LSAMP: variants seen among roughly 807,000 people sequenced by gnomAD.
LSAMP encodes limbic system associated membrane protein.
A neutral mutation model predicts 38.6 loss-of-function variants in LSAMP; 7 were observed. That is an observed-to-expected ratio of 0.18 (90% confidence interval 0.10 to 0.34). The LOEUF is 0.34. Ranked by LOEUF, LSAMP falls within the 10% of genes least tolerant of loss-of-function variation. The pLI is 1.00. For missense variants in LSAMP, 313 were observed against 420.0 expected (o/e 0.75, Z 2.23); for synonymous variants, 154 against 166.8 (o/e 0.92, Z 0.59).
chr3:116,071,012 C>T (rs1707588305), intron 2 of LSAMP, among the ~76,000 whole-genome samples: 1 of 151,122 alleles, frequency 6.6e-6, no homozygotes, highest in Non-Finnish European at 1.5e-5. Flanking sequence ...TGCACTCCAG[C>T]CTGGGCAACA....
chr3:116,311,399 CT>C (rs2047555664), intron 1 of LSAMP, among the ~76,000 whole-genome samples: 1 of 151,916 alleles, frequency 6.6e-6, no homozygotes, highest in African/African-American at 2.4e-5. Flanking sequence ...TGGTTGCAGT[CT>C]AGGAATCCAT....
At chr3:116,250,971 C>G (rs895093648) in intron 1 of LSAMP, among the ~76,000 whole-genome samples, 1 of 152,160 alleles carries the variant, frequency 6.6e-6, no homozygotes, top group Non-Finnish European at 1.5e-5. Context: ...AGAGGCAGGA[C>G]AAACTGTTTC....
chr3:115,968,428 G>T (rs549898618), intron 3 of LSAMP, among the ~76,000 whole-genome samples: 110 of 152,204 alleles, frequency 7.2e-4, no homozygotes, highest in African/African-American at 2.4e-3. Context: ...TGCTAGGACT[G>T]GGTCCTTTCC....
At chr3:115,827,800 T>A (rs139769238) in intron 6 of LSAMP, among the ~76,000 whole-genome samples, 2 of 152,232 alleles carry the variant, frequency 1.3e-5, no homozygotes, top group Non-Finnish European at 2.9e-5. Context: ...AGGAACACCT[T>A]AAATTGGAAT....
intron 2 of LSAMP, among the ~76,000 whole-genome samples, chr3:116,070,405 G>A (rs139327844): frequency 3.5e-4 from 54 of 152,250 alleles, no homozygotes; most frequent in African/African-American, 1.2e-3. Flanking sequence ...AGAGTTGCTC[G>A]TGGTTAGAGA....
chr3:116,204,761 C>A (rs553239369), intron 1 of LSAMP, among the ~76,000 whole-genome samples: 1,705 of 150,954 alleles, frequency 0.011, 34 homozygotes, highest in African/African-American at 0.038. Context: ...ATTGATCTAT[C>A]TCTCTGTTTT....
chr3:116,350,838 A>G (rs966923945), intron 1 of LSAMP, among the ~76,000 whole-genome samples: 7 of 152,056 alleles, frequency 4.6e-5, no homozygotes, highest in African/African-American at 1.7e-4. Flanking sequence ...AGGATAAAAG[A>G]AATCCGTGCT....
intron 1 of LSAMP, among the ~76,000 whole-genome samples, chr3:116,286,274 T>C (rs952509038): frequency 3.9e-5 from 6 of 152,210 alleles, no homozygotes; most frequent in South Asian, 2.1e-4. Context: ...TGTGTAAATA[T>C]GTGCAAATGT....
At chr3:116,193,042 G>A (rs944324539) in intron 1 of LSAMP, among the ~76,000 whole-genome samples, 13 of 152,180 alleles carry the variant, frequency 8.5e-5, no homozygotes, top group African/African-American at 2.9e-4. Flanking sequence ...AATTACAAAT[G>A]AGGATGAGGG....
At chr3:116,139,682 C>T (rs766255464) in intron 1 of LSAMP, among the ~76,000 whole-genome samples, 2 of 151,892 alleles carry the variant, frequency 1.3e-5, no homozygotes, top group Non-Finnish European at 2.9e-5. Context: ...AAAGGCATAT[C>T]CAGATCAATA....
intron 1 of LSAMP, among the ~76,000 whole-genome samples, chr3:116,155,957 G>A (rs2107532208): frequency 6.6e-6 from 1 of 152,234 alleles, no homozygotes; most frequent in South Asian, 2.1e-4. Context: ...AGCAAGCAGT[G>A]AGCCAAGTTC....
Position 115,922,263 on chromosome 3 carries a change from G to T in LSAMP, c.515-69646C>A, listed in dbSNP as rs58599214. On this transcript the variant is annotated intron_variant, in intron 3 of 6. Transcript: ENST00000490035. ...GCCTTAGGTTTTCTTTACTTTTTTA[G>T]TTCCTTGTTTTCTTTTTGTTCTTCT... Among the ~76,000 whole-genome samples, 458 of 151,814 alleles carry T rather than the reference G, an allele frequency of 3.0e-3. 2 individuals are homozygous for T. Among genetic ancestry groups the T allele is most frequent in the African/African-American group, 9.9e-3 (411 of 41,428 alleles).
At chr3:116,265,712 T>G (rs2107663650) in intron 1 of LSAMP, among the ~76,000 whole-genome samples, 1 of 152,290 alleles carries the variant, frequency 6.6e-6, no homozygotes, top group Non-Finnish European at 1.5e-5. Context: ...CTAATTGTGG[T>G]TAATCTTTGG....
chr3:115,971,038 G>A (rs1053684418), intron 3 of LSAMP, among the ~76,000 whole-genome samples: 2 of 152,124 alleles, frequency 1.3e-5, no homozygotes, highest in Non-Finnish European at 1.5e-5. Flanking sequence ...CTTCTCCAAG[G>A]CATGCCAGGG....
chr3:115,912,044 C>G (rs1937147557), intron 3 of LSAMP, among the ~76,000 whole-genome samples: 1 of 152,104 alleles, frequency 6.6e-6, no homozygotes, highest in Non-Finnish European at 1.5e-5. Context: ...TCTTGAGAGT[C>G]CTTTATACAT....
At chr3:115,862,471 G>C (rs570897335) in intron 3 of LSAMP, among the ~76,000 whole-genome samples, 1 of 152,150 alleles carries the variant, frequency 6.6e-6, no homozygotes. Flanking sequence ...ACCTCATATA[G>C]GTTCACCCTA....
chr3:116,113,420 A>ATATATATTTT (rs1553705042), intron 1 of LSAMP, among the ~76,000 whole-genome samples: 1 of 51,044 alleles, frequency 2.0e-5, no homozygotes, highest in Non-Finnish European at 3.2e-5. Context: ...ATATATATAT[A>ATATATATTTT]TTTTTTTTTT....
chr3:116,134,136 G>T (rs1305533372), intron 1 of LSAMP, among the ~76,000 whole-genome samples: 1 of 151,668 alleles, frequency 6.6e-6, no homozygotes, highest in Non-Finnish European at 1.5e-5. Flanking sequence ...AGTTATTATT[G>T]GTTTAAAAAA....
chr3:115,953,597 G>A (rs932208407), intron 3 of LSAMP, among the ~76,000 whole-genome samples: 4 of 152,156 alleles, frequency 2.6e-5, no homozygotes, highest in Admixed American at 6.5e-5. Context: ...TGGTGACCAG[G>A]AGAGTTGCTG....
Sources: allele counts gnomAD v4.1 joint callset (sites outside exome capture counted in the v4.1 genomes callset), GRCh38; gene constraint gnomAD v4.1.1; transcripts MANE v1.5; gene names NCBI Gene and HGNC (gene_info 2026-07-23, HGNC 2026-07-21).